The following GKAP1 variants were observed in gnomAD, a reference collection of about 807,000 sequenced individuals.
The protein encoded by GKAP1 is G kinase-anchoring protein 1.
A neutral mutation model predicts 56.7 loss-of-function variants in GKAP1; 31 were observed. That is an observed-to-expected ratio of 0.55 (90% CI 0.41 to 0.74). The LOEUF (loss-of-function observed/expected upper bound fraction) is 0.74. Ranked by LOEUF, GKAP1 falls within the 30% of genes least tolerant of loss-of-function variation. The pLI is 0.00. For missense variants in GKAP1, 364 were observed against 402.3 expected, an observed-to-expected ratio of 0.90 and a Z score of 0.82; for synonymous variants, 151 against 138.6, an observed-to-expected ratio of 1.09 and a Z score of -0.63.
At chr9:83,790,604 G>A (rs1261757164) in intron 4 of GKAP1, among the ~76,000 whole-genome samples, 5 of 151,242 alleles carry the variant, frequency 3.3e-5, no homozygotes. Context: ...CCAACATGGT[G>A]AAATACTAAA....
chr9:83,808,555 C>CGACT, intron 2 of GKAP1, among the ~76,000 whole-genome samples: 1 of 152,114 alleles, frequency 6.6e-6, no homozygotes, highest in South Asian at 2.1e-4. Flanking sequence ...CGAGGTTGCA[C>CGACT]GACTGACTCC....
intron 7 of GKAP1, among the ~76,000 whole-genome samples, chr9:83,779,466 C>CACATAT (rs1943920438): frequency 1.3e-5 from 1 of 77,888 alleles, no homozygotes; most frequent in Non-Finnish European, 2.9e-5. Flanking sequence ...CACACACACG[C>CACATAT]ACATATACAT....
chr9:83,752,790 A>G (rs1380293941), intron 9 of GKAP1, among the ~76,000 whole-genome samples: 3 of 151,956 alleles, frequency 2.0e-5, no homozygotes, highest in African/African-American at 4.8e-5. Flanking sequence ...ACAAAATACA[A>G]CCAGGCACGG....
intron 3 of GKAP1, among the ~76,000 whole-genome samples, chr9:83,802,774 C>T (rs921800082): frequency 2.6e-5 from 4 of 151,580 alleles, no homozygotes; most frequent in African/African-American, 9.7e-5. Flanking sequence ...CTACAGTGAG[C>T]TATATCATGC....
chr9:83,777,627 A>G (rs1943885819), intron 7 of GKAP1, among the ~76,000 whole-genome samples: 1 of 152,172 alleles, frequency 6.6e-6, no homozygotes, highest in African/African-American at 2.4e-5. Context: ...TCTGAATGTT[A>G]TCCAATAAAT....
rs1233808400 is a variant in GKAP1 at position 83,797,362 on chromosome 9, C to CAGTATA, written c.360+1822_360+1823insTATACT. Among the ~76,000 whole-genome samples the CAGTATA allele has an allele frequency of 2.6e-5, 4 of 152,186 alleles. No individual in the cohort carries two copies. The East Asian group carries it at 7.7e-4, about 29-fold the overall frequency. On this transcript the variant is annotated intron_variant, in intron 4 of 12. Coordinates refer to ENST00000376371, the MANE Select transcript of GKAP1 (RefSeq NM_025211.4). ...ACCCCCTACATTGTATGCTTTCTGC[C>CAGTATA]TAGTATATAGTCATTGCCTGATCCC...
intron 4 of GKAP1, among the ~76,000 whole-genome samples, chr9:83,795,421 GT>G (rs1944228250): frequency 6.6e-6 from 1 of 151,976 alleles, no homozygotes; most frequent in African/African-American, 2.4e-5. Flanking sequence ...GCTACTTAGA[GT>G]TAATTCTTTA....
rs541500487 is a variant in GKAP1 at position 83,748,385 on chromosome 9, G to GA, written c.841-14dup. The GA allele has an allele frequency of 2.5e-5, 37 of 1,457,638 alleles. No homozygotes were observed. In the South Asian group the frequency reaches 4.2e-4, roughly 16 times the overall value. 90.3% of individuals were successfully genotyped at this position (1,457,638 alleles called of 1,614,324 possible). On this transcript the variant is annotated splice_polypyrimidine_tract_variant and intron_variant, in intron 9 of 12. Coordinates refer to ENST00000376371, the MANE Select transcript of GKAP1 (RefSeq NM_025211.4). ...CCTTATACTTTGCCTAATAGTCAAA[G>GA]AAAAAAGATTTAGTTTTTTTAAAAG...
At chr9:83,743,344 TA>T (rs1231515252) in intron 10 of GKAP1, among the ~76,000 whole-genome samples, 1 of 151,358 alleles carries the variant, frequency 6.6e-6, no homozygotes, top group Non-Finnish European at 1.5e-5. Flanking sequence ...CCTGTAATCC[TA>T]GCACTTTGGG....
rs933000537 is a variant in GKAP1, at chr9:83,771,407, C to A, written c.586-2437G>T. Among the ~76,000 whole-genome samples, 3 of 152,142 alleles carry A rather than the reference C, an allele frequency of 2.0e-5. No homozygotes were observed. The East Asian group carries it at 5.8e-4, about 29-fold the overall frequency. On this transcript the variant is annotated intron_variant, in intron 7 of 12. Transcript: ENST00000376371. Reference sequence around the variant, plus strand: ...CCCACATTCTTGAACTACAGCTATTCACAATTGTATCTGTGGGCAAACGAC... The same window carrying A: ...CCCACATTCTTGAACTACAGCTATTAACAATTGTATCTGTGGGCAAACGAC...
At chr9:83,795,694 G>C (rs1944235397) in intron 4 of GKAP1, among the ~76,000 whole-genome samples, 1 of 149,464 alleles carries the variant, frequency 6.7e-6, no homozygotes, top group South Asian at 2.1e-4. Flanking sequence ...GGGACTACAG[G>C]CATGCGCTAC....
At chr9:83,812,851 C>A (rs1428834402) in intron 2 of GKAP1, among the ~76,000 whole-genome samples, 3 of 152,068 alleles carry the variant, frequency 2.0e-5, no homozygotes, top group African/African-American at 4.8e-5. Flanking sequence ...ACAAGTCAAA[C>A]GACAGAGAGC....
intron 5 of GKAP1, 120 bp downstream of exon 5, chr9:83,788,481 T>C (rs1944101217): frequency 1.8e-6 from 1 of 569,496 alleles, no homozygotes; most frequent in Non-Finnish European, 3.1e-6. Context: ...TATTTTATTA[T>C]GGTAATGAAT....
intron 7 of GKAP1, among the ~76,000 whole-genome samples, chr9:83,776,547 T>C (rs1242955188): frequency 6.6e-6 from 1 of 151,910 alleles, no homozygotes; most frequent in Non-Finnish European, 1.5e-5. Context: ...ATACAAAAAT[T>C]AGCTGGGCAT....
At chr9:83,816,696 C>T (rs1359470560) in intron 2 of GKAP1, among the ~76,000 whole-genome samples, 1 of 152,166 alleles carries the variant, frequency 6.6e-6, no homozygotes, top group African/African-American at 2.4e-5. Flanking sequence ...AAAGTGTCTC[C>T]GGCTTTTTAG....
intron 1 of GKAP1, 139 bp from the exon 2 acceptor site, chr9:83,817,266 G>A (rs1056601969): frequency 4.6e-5 from 7 of 151,930 alleles, no homozygotes; most frequent in Admixed American, 2.0e-4. Context: ...GGTCTCGGGA[G>A]GCTCAGCGGT....
intron 8 of GKAP1, among the ~76,000 whole-genome samples, chr9:83,758,450 A>T (rs1257985554): frequency 6.6e-6 from 1 of 152,178 alleles, no homozygotes; most frequent in African/African-American, 2.4e-5. Context: ...AAATGAAACT[A>T]GGCTGGATAC....
chr9:83,805,784 C>T (rs1328963696), intron 3 of GKAP1, among the ~76,000 whole-genome samples: 1 of 152,118 alleles, frequency 6.6e-6, no homozygotes, highest in East Asian at 1.9e-4. Context: ...AAACTTTATG[C>T]AATGAACACA....
chr9:83,774,702 CT>C lies in GKAP1; in HGVS notation c.585+5679del, dbSNP rs1168792305. 6.7e-3 allele frequency among the ~76,000 whole-genome samples: 698 copies of C among 104,772 alleles called. 1 individual carries two copies. The highest frequency in any genetic ancestry group is 9.8e-3 in the African/African-American group (269 of 27,488). The allele number at this position is 104,772 out of a possible 152,430, so 68.7% of individuals were successfully genotyped here. A position where few individuals can be genotyped will look rare whatever the true frequency, so the allele number is the denominator to read the frequency against. ...GAAACTATCAATAAACAGAAACCCC[CT>C]TTTTTTTTTTTTTTTTTTTTTTTTT... On this transcript the variant is annotated intron_variant, in intron 7 of 12. Transcript: ENST00000376371.
Sources: gnomAD v4.1 joint callset for allele counts (sites outside exome capture counted in the v4.1 genomes callset) on GRCh38, gnomAD v4.1.1 for gene constraint, MANE v1.5 for transcripts, NCBI Gene and HGNC (gene_info 2026-07-23, HGNC 2026-07-21) for gene names.